ERBB4: variants seen among roughly 807,000 people sequenced by gnomAD.
ERBB4 encodes erb-b2 receptor tyrosine kinase 4, also known as receptor tyrosine-protein kinase erbB-4.
In ERBB4, 42 loss-of-function variants were observed where a neutral mutation model predicts 158.0. The ratio of observed to expected loss-of-function variants is 0.27; its 90% CI spans 0.21 to 0.34. The LOEUF is 0.34. ERBB4 is among the 10% of genes least tolerant of loss of function. The pLI is 1.00. For synonymous variants in ERBB4, 583 were observed against 558.7 expected (o/e 1.04, Z -0.61); for missense variants, 1,333 against 1,624.1 (o/e 0.82, Z 3.08).
intron 2 of ERBB4, among the ~76,000 whole-genome samples, chr2:212,040,740 T>C (rs996670624): frequency 2.0e-5 from 3 of 152,104 alleles, no homozygotes; most frequent in Admixed American, 6.6e-5. Context: ...ATTTTGGCCT[T>C]CAGGCTGTTT....
chr2:211,432,326 A>C (rs1187656436), intron 20 of ERBB4, among the ~76,000 whole-genome samples: 1 of 152,226 alleles, frequency 6.6e-6, no homozygotes, highest in East Asian at 1.9e-4. Flanking sequence ...TACCTGGTGT[A>C]GTGTAAAGAG....
At chr2:211,397,241 A>G (rs1174542971) in intron 25 of ERBB4, among the ~76,000 whole-genome samples, 3 of 152,136 alleles carry the variant, frequency 2.0e-5, no homozygotes. Flanking sequence ...GAAGAGGAAA[A>G]ACATACAAAG....
chr2:211,519,551 G>A (rs2066133778), intron 20 of ERBB4, among the ~76,000 whole-genome samples: 1 of 151,994 alleles, frequency 6.6e-6, no homozygotes, highest in Admixed American at 6.6e-5. Context: ...AGCAAAAGTG[G>A]TTCATATTCC....
intron 16 of ERBB4, among the ~76,000 whole-genome samples, chr2:211,644,963 T>G (rs1285134732): frequency 6.6e-6 from 1 of 152,028 alleles, no homozygotes; most frequent in East Asian, 1.9e-4. Context: ...AAAATCTAAG[T>G]TTTTCTTAGA....
intron 2 of ERBB4, among the ~76,000 whole-genome samples, chr2:212,042,978 G>A (rs2077175442): frequency 1.3e-5 from 2 of 152,124 alleles, no homozygotes; most frequent in African/African-American, 4.8e-5. Flanking sequence ...TGTTGTCTCA[G>A]CTTAGTTTCT....
intron 1 of ERBB4, among the ~76,000 whole-genome samples, chr2:212,386,710 C>A (rs2090688647): frequency 6.6e-6 from 1 of 151,984 alleles, no homozygotes; most frequent in Admixed American, 6.6e-5. Context: ...TTATTGCATG[C>A]AACACTACTT....
At position 211,413,309 on chromosome 2, in the gene ERBB4, A is replaced by AAAAAAAAAAAAAAAAAACACAC. The variant is rs1553524037; in HGVS notation, c.3135+7131_3135+7132insGTGTGTTTTTTTTTTTTTTTTT. On this transcript the variant is annotated intron_variant, in intron 25 of 27. Transcript: ENST00000342788. ...GGACAGAGAGAGACCCTGTCTTAAA[A>AAAAAAAAAAAAAAAAAACACAC]ACACACACACACACACACACACACA... 4.2e-5 allele frequency among the ~76,000 whole-genome samples: 4 copies of AAAAAAAAAAAAAAAAAACACAC among 94,558 alleles called. 1 individual carries two copies. Among genetic ancestry groups the AAAAAAAAAAAAAAAAAACACAC allele is most frequent in the Non-Finnish European group, 7.0e-5 (3 of 42,618 alleles). 62.0% of individuals were successfully genotyped at this position (94,558 alleles called of 152,430 possible).
At chr2:211,545,897 T>C (rs1047159889) in intron 20 of ERBB4, among the ~76,000 whole-genome samples, 4 of 152,044 alleles carry the variant, frequency 2.6e-5, no homozygotes, top group Non-Finnish European at 4.4e-5. Flanking sequence ...CACTTTGTGA[T>C]TGAGGTGGAG....
chr2:212,129,911 A>G (rs1452943061), intron 1 of ERBB4, among the ~76,000 whole-genome samples: 1 of 152,092 alleles, frequency 6.6e-6, no homozygotes, highest in East Asian at 1.9e-4. Context: ...TATATTCATC[A>G]TAAATTTTAT....
intron 1 of ERBB4, among the ~76,000 whole-genome samples, chr2:212,496,687 G>C (rs1690591989): frequency 6.6e-6 from 1 of 152,062 alleles, no homozygotes; most frequent in South Asian, 2.1e-4. Context: ...ATTTTCCCAA[G>C]TTTTAGAAAA....
chr2:211,645,070 G>C (rs1294688587), intron 16 of ERBB4, among the ~76,000 whole-genome samples: 1 of 145,120 alleles, frequency 6.9e-6, no homozygotes, highest in Non-Finnish European at 1.5e-5. Context: ...ATCTCTTCTT[G>C]AGTATTTATT....
intron 4 of ERBB4, among the ~76,000 whole-genome samples, chr2:211,771,028 A>G (rs1285249569): frequency 2.6e-5 from 4 of 152,236 alleles, no homozygotes; most frequent in African/African-American, 9.6e-5. Context: ...AAATGTCTGC[A>G]TCATATTAGG....
chr2:211,992,174 T>C (rs1294992457), intron 2 of ERBB4, among the ~76,000 whole-genome samples: 1 of 152,088 alleles, frequency 6.6e-6, no homozygotes, highest in African/African-American at 2.4e-5. Context: ...AACCAACTAA[T>C]GTCTTTTCAT....
At position 211,770,023 on chromosome 2, in the gene ERBB4, T is replaced by C. The variant is rs576524383; in HGVS notation, c.556+18002A>G. Among the ~76,000 whole-genome samples, 353 of 152,288 alleles carry C rather than the reference T, an allele frequency of 2.3e-3. 5 individuals carry two copies. The highest frequency in any genetic ancestry group is 8.1e-3 in the African/African-American group (338 of 41,556). On this transcript the variant is annotated intron_variant, in intron 4 of 27. Coordinates refer to ENST00000342788, the MANE Select transcript of ERBB4 (RefSeq NM_005235.3). ...CTCAATATTAACCATCACAGATGAGTGTTTTACTTGGAGAAAATTTAACTC... is the reference window on the plus strand; with the variant it reads ...CTCAATATTAACCATCACAGATGAGCGTTTTACTTGGAGAAAATTTAACTC...
At chr2:211,393,084 C>G (rs1016287405) in intron 25 of ERBB4, among the ~76,000 whole-genome samples, 1 of 152,094 alleles carries the variant, frequency 6.6e-6, no homozygotes, top group Non-Finnish European at 1.5e-5. Flanking sequence ...GAACAAGAGT[C>G]AAGACAGAAT....
intron 1 of ERBB4, among the ~76,000 whole-genome samples, chr2:212,456,566 T>TA (rs36106298): frequency 0.26 from 38,514 of 146,616 alleles, 5,151 homozygotes; most frequent in Non-Finnish European, 0.29. Flanking sequence ...CTTCCTCTCT[T>TA]AAAAAAAAAA....
chr2:212,498,214 CA>C, intron 1 of ERBB4, among the ~76,000 whole-genome samples: 1 of 151,988 alleles, frequency 6.6e-6, no homozygotes, highest in Middle Eastern at 3.4e-3. Flanking sequence ...CAACTTCCTG[CA>C]AGTCCCTTTT....
chr2:211,848,115 G>A (rs2077632925), intron 3 of ERBB4, among the ~76,000 whole-genome samples: 1 of 151,842 alleles, frequency 6.6e-6, no homozygotes, highest in African/African-American at 2.4e-5. Context: ...TTCCTATCTA[G>A]GCCTGTTTGT....
chr2:211,418,357 A>T (rs2063439911), intron 25 of ERBB4, among the ~76,000 whole-genome samples: 1 of 152,180 alleles, frequency 6.6e-6, no homozygotes, highest in Non-Finnish European at 1.5e-5. Context: ...GACAATATAG[A>T]TGACAAATAA....
Sources: gnomAD v4.1 joint callset for allele counts (sites outside exome capture counted in the v4.1 genomes callset) on GRCh38, gnomAD v4.1.1 for gene constraint, MANE v1.5 for transcripts, NCBI Gene and HGNC (gene_info 2026-07-23, HGNC 2026-07-21) for gene names.